Variants in METTL8 observed in about 807,000 individuals in gnomAD.
The protein encoded by METTL8 is tRNA N(3)-cytidine methyltransferase METTL8, mitochondrial.
A neutral mutation model predicts 48.7 loss-of-function variants in METTL8; 32 were observed. That is an observed-to-expected ratio of 0.66 (90% CI 0.50 to 0.88). The LOEUF (loss-of-function observed/expected upper bound fraction) is 0.88. METTL8 is among the 40% of genes least tolerant of loss of function. METTL8 has a pLI of 0.00. For synonymous variants in METTL8, 136 were observed against 157.1 expected (o/e 0.87, Z 1.01); for missense variants, 464 against 474.4 (o/e 0.98, Z 0.20).
intron 3 of METTL8, among the ~76,000 whole-genome samples, chr2:171,346,899 C>T (rs1402547320): frequency 6.6e-6 from 1 of 152,206 alleles, no homozygotes; most frequent in East Asian, 1.9e-4. Context: ...ACAGAAATTG[C>T]GCTGGATGGC....
chr2:171,401,184 G>A (rs1214243884), intron 1 of METTL8, among the ~76,000 whole-genome samples: 1 of 152,130 alleles, frequency 6.6e-6, no homozygotes, highest in African/African-American at 2.4e-5. Context: ...TAGCATTAAT[G>A]AGAACAAATT....
At chr2:171,403,275 T>C (rs1042642866) in intron 1 of METTL8, among the ~76,000 whole-genome samples, 11 of 152,160 alleles carry the variant, frequency 7.2e-5, no homozygotes, top group Non-Finnish European at 1.6e-4. Context: ...GCTGATAGCA[T>C]GTATTCTTGA....
At chr2:171,369,122 G>A (rs987403277) in intron 2 of METTL8, among the ~76,000 whole-genome samples, 2 of 151,900 alleles carry the variant, frequency 1.3e-5, no homozygotes, top group Admixed American at 6.6e-5. Context: ...TGGCTAACAC[G>A]GTGAAACCCC....
intron 2 of METTL8, among the ~76,000 whole-genome samples, chr2:171,381,722 T>C (rs1483126577): frequency 6.6e-6 from 1 of 151,370 alleles, no homozygotes; most frequent in African/African-American, 2.4e-5. Context: ...AGAGTCGGAA[T>C]GGCGAGTATT....
chr2:171,367,430 T>C (rs1166700008), intron 2 of METTL8, among the ~76,000 whole-genome samples: 1 of 152,144 alleles, frequency 6.6e-6, no homozygotes, highest in African/African-American at 2.4e-5. Flanking sequence ...TCACATGCAG[T>C]AAAAAGATCT....
In METTL8 at chr2:171,322,130, T is replaced by A. The variant is rs1380652250; in HGVS notation, c.*2042A>T. ...GGTGCCCACCACCACGCCTGGCTAA[T>A]TTTTTTTGTATTTTTAGTAGAGACA... is the stretch of plus-strand genomic sequence containing the variant. On this transcript the variant is annotated 3_prime_UTR_variant, in exon 10 of 10. Transcript: ENST00000375258. 2.0e-5 allele frequency: 3 copies of A among 151,382 alleles called. No homozygotes were observed. Among genetic ancestry groups the A allele is most frequent in the Non-Finnish European group, 2.9e-5 (2 of 67,834 alleles). 9.4% of individuals were successfully genotyped at this position (151,382 alleles called of 1,614,324 possible).
At chr2:171,422,104 G>A (rs781754481) in intron 1 of METTL8, among the ~76,000 whole-genome samples, 1 of 152,118 alleles carries the variant, frequency 6.6e-6, no homozygotes, top group Non-Finnish European at 1.5e-5. Context: ...AAACTGCAGT[G>A]AATAAGTGGT....
chr2:171,321,937 C>T lies in METTL8; in HGVS notation c.*2235G>A, dbSNP rs1684540092. The T allele has an allele frequency of 6.6e-6, 1 of 151,552 alleles. No individual in the cohort carries two copies. The highest frequency in any genetic ancestry group is 2.1e-4 in the South Asian group (1 of 4,774). 9.4% of individuals were successfully genotyped at this position (151,552 alleles called of 1,614,324 possible). On this transcript the variant is annotated 3_prime_UTR_variant, in exon 10 of 10. Transcript: ENST00000375258. ...TGTGATTTGCAAGCCAACTTATGTCCTTTTTGAAGCAAGGGAGTAAATAAA... is the reference window on the plus strand; with the variant it reads ...TGTGATTTGCAAGCCAACTTATGTCTTTTTTGAAGCAAGGGAGTAAATAAA...
intron 3 of METTL8, among the ~76,000 whole-genome samples, chr2:171,340,287 A>G (rs1686593608): frequency 6.6e-6 from 1 of 151,466 alleles, no homozygotes; most frequent in South Asian, 2.1e-4. Context: ...TGGACACTTG[A>G]GGTAAGGAGT....
intron 1 of METTL8, among the ~76,000 whole-genome samples, chr2:171,406,865 CTT>C (rs746313050): frequency 6.9e-6 from 1 of 144,210 alleles, no homozygotes. Context: ...TTAAATTCCT[CTT>C]TTTTTTTTTT....
At chr2:171,340,498 C>CAAAA (rs760579218) in intron 3 of METTL8, among the ~76,000 whole-genome samples, 11 of 42,910 alleles carry the variant, frequency 2.6e-4, no homozygotes, top group East Asian at 6.8e-4. Flanking sequence ...TGAGTTGTCT[C>CAAAA]AAAAAAAAAA....
intron 2 of METTL8, among the ~76,000 whole-genome samples, chr2:171,371,733 G>A (rs2105503020): frequency 6.6e-6 from 1 of 152,128 alleles, no homozygotes; most frequent in Non-Finnish European, 1.5e-5. Flanking sequence ...CTGAGTTCAA[G>A]CAATCTTTCG....
At chr2:171,326,388 T>C (rs779488959) in intron 7 of METTL8, 6 of 432,894 alleles carry the variant, frequency 1.4e-5, no homozygotes, top group African/African-American at 2.1e-5. Context: ...ATGATCAGAG[T>C]GGTAACTTCA....
intron 2 of METTL8, among the ~76,000 whole-genome samples, chr2:171,374,031 C>T (rs56065007): frequency 6.6e-6 from 1 of 152,124 alleles, no homozygotes; most frequent in Non-Finnish European, 1.5e-5. Flanking sequence ...TCATTGGCAG[C>T]TTGATGGGGA....
chr2:171,394,356 C>T (rs945484366), intron 1 of METTL8, among the ~76,000 whole-genome samples: 4 of 151,414 alleles, frequency 2.6e-5, no homozygotes, highest in East Asian at 3.9e-4. Flanking sequence ...TAAATAATCA[C>T]GTGATACTTA....
chr2:171,420,405 G>A (rs376543127), intron 1 of METTL8, among the ~76,000 whole-genome samples: 1 of 152,212 alleles, frequency 6.6e-6, no homozygotes, highest in African/African-American at 2.4e-5. Context: ...ATGGTGGTAA[G>A]TGATTATTGA....
chr2:171,428,048 A>C (rs576542352), intron 1 of METTL8, among the ~76,000 whole-genome samples: 12 of 152,328 alleles, frequency 7.9e-5, no homozygotes, highest in African/African-American at 2.6e-4. Flanking sequence ...TTTTGAATTA[A>C]TATTTCTTCT....
chr2:171,380,953 C>T (rs368418045), intron 2 of METTL8, among the ~76,000 whole-genome samples: 1 of 152,088 alleles, frequency 6.6e-6, no homozygotes, highest in Non-Finnish European at 1.5e-5. Flanking sequence ...CAATCCTAAC[C>T]AAAAAGAATA....
At chr2:171,407,926 A>T (rs1156504721) in intron 1 of METTL8, among the ~76,000 whole-genome samples, 1 of 152,224 alleles carries the variant, frequency 6.6e-6, no homozygotes, top group Non-Finnish European at 1.5e-5. Flanking sequence ...GGGAATTGGG[A>T]AGACACATAG....
Sources: gnomAD v4.1 joint callset for allele counts (sites outside exome capture counted in the v4.1 genomes callset) on GRCh38, gnomAD v4.1.1 for gene constraint, MANE v1.5 for transcripts, NCBI Gene and HGNC (gene_info 2026-07-23, HGNC 2026-07-21) for gene names.